CHN2: variants seen among roughly 807,000 people sequenced by gnomAD.
CHN2 encodes the protein beta-chimaerin.
CHN2 carries 35 observed loss-of-function variants against 56.3 expected under a neutral mutation model. The observed-to-expected ratio is 0.62, with a 90% CI of 0.47 to 0.82. CHN2 has a LOEUF of 0.82. Ranked by LOEUF, CHN2 falls within the 40% of genes least tolerant of loss-of-function variation. The pLI is 0.00. For synonymous variants in CHN2, 210 were observed against 212.8 expected, an observed-to-expected ratio of 0.99 and a Z score of 0.12; for missense variants, 491 against 580.5, an observed-to-expected ratio of 0.85 and a Z score of 1.58.
upstream of CHN2, chr7:29,194,476 G>T (rs545843249): frequency 6.3e-6 from 1 of 157,692 alleles, no homozygotes; most frequent in African/African-American, 2.4e-5. Flanking sequence ...CGCTCTGTCT[G>T]TCCGTCTCCC....
At chr7:29,151,492 C>T (rs899158697) in intron 2 of CHN2, among the ~76,000 whole-genome samples, 1 of 152,148 alleles carries the variant, frequency 6.6e-6, no homozygotes, top group Non-Finnish European at 1.5e-5. Flanking sequence ...TAGACATGGC[C>T]ACTAAGGACA....
intron 6 of CHN2, among the ~76,000 whole-genome samples, chr7:29,463,838 T>A (rs1238044301): frequency 6.6e-6 from 1 of 152,182 alleles, no homozygotes; most frequent in Non-Finnish European, 1.5e-5. Context: ...GATGTGGAAC[T>A]GAGTGCCCAG....
At position 29,310,389 on chromosome 7, in the gene CHN2, C is replaced by T. The variant is rs552096575; in HGVS notation, c.50-44236C>T. On this transcript the variant is annotated intron_variant, in intron 1 of 12. Transcript: ENST00000222792. ...TGCAAAACAGTGGGTACCATATGAT[C>T]CTGTATTTGCAATTAAAATGTATAC... Among the ~76,000 whole-genome samples, 28 of 152,186 alleles carry T rather than the reference C, an allele frequency of 1.8e-4. 1 individual carries two copies. The South Asian group carries it at 1.9e-3, about 10-fold the overall frequency.
At chr7:29,188,313 G>C (rs1336647233) in intron 2 of CHN2, among the ~76,000 whole-genome samples, 2 of 152,084 alleles carry the variant, frequency 1.3e-5, no homozygotes, top group African/African-American at 2.4e-5. Flanking sequence ...TTTGCTCAGG[G>C]TCACACAGCT....
chr7:29,478,938 T>C (rs1786843270), intron 6 of CHN2, among the ~76,000 whole-genome samples: 1 of 152,188 alleles, frequency 6.6e-6, no homozygotes, highest in Non-Finnish European at 1.5e-5. Context: ...GAGTGATCTT[T>C]GGTTACTCTT....
intron 6 of CHN2, among the ~76,000 whole-genome samples, chr7:29,432,834 A>G (rs1452191723): frequency 6.6e-6 from 1 of 152,106 alleles, no homozygotes; most frequent in Non-Finnish European, 1.5e-5. Flanking sequence ...GCCTTTTGGA[A>G]TATAATTATG....
At chr7:29,368,180 T>C (rs1187869908) in intron 3 of CHN2, among the ~76,000 whole-genome samples, 193 bp downstream of exon 3, 1 of 152,176 alleles carries the variant, frequency 6.6e-6, no homozygotes, top group African/African-American at 2.4e-5. Context: ...ACAAACCAAC[T>C]TGGACTCAGA....
At chr7:29,508,359 C>CG (rs1790855444) in intron 11 of CHN2, among the ~76,000 whole-genome samples, 1 of 149,826 alleles carries the variant, frequency 6.7e-6, no homozygotes. Flanking sequence ...ACACATGACA[C>CG]GGAAGTCAAG....
intron 6 of CHN2, among the ~76,000 whole-genome samples, chr7:29,462,240 T>G (rs1298487075): frequency 6.6e-6 from 1 of 152,200 alleles, no homozygotes; most frequent in Non-Finnish European, 1.5e-5. Flanking sequence ...GGACATTAGC[T>G]TTTTCACTTC....
At chr7:29,244,449 G>A (rs1015787807) in intron 1 of CHN2, among the ~76,000 whole-genome samples, 11 of 152,184 alleles carry the variant, frequency 7.2e-5, no homozygotes, top group Non-Finnish European at 1.2e-4. Flanking sequence ...TTGTCTTAAG[G>A]CAGCAAGGTG....
At chr7:29,327,359 C>G (rs1326530882) in intron 1 of CHN2, among the ~76,000 whole-genome samples, 1 of 152,212 alleles carries the variant, frequency 6.6e-6, no homozygotes, top group East Asian at 1.9e-4. Flanking sequence ...CTAATCCCTA[C>G]AGGGGACTCT....
chr7:29,147,071 G>T (rs1792831145), intron 2 of CHN2: 1 of 1,443,282 alleles, frequency 6.9e-7, no homozygotes, highest in Non-Finnish European at 9.3e-7. Flanking sequence ...TTTGCAATTG[G>T]GGGACACAAA....
chr7:29,321,516 C>G (rs1026397260), intron 1 of CHN2, among the ~76,000 whole-genome samples: 7 of 151,768 alleles, frequency 4.6e-5, no homozygotes, highest in African/African-American at 1.7e-4. Flanking sequence ...CTCCAGCAAT[C>G]TAATTTCAGG....
chr7:29,454,097 G>A (rs1475633780), intron 6 of CHN2, among the ~76,000 whole-genome samples: 1 of 152,182 alleles, frequency 6.6e-6, no homozygotes, highest in Non-Finnish European at 1.5e-5. Flanking sequence ...AATGCTCTGA[G>A]AGCTTAATGG....
chr7:29,321,559 T>C (rs1284963844), intron 1 of CHN2, among the ~76,000 whole-genome samples: 3 of 121,622 alleles, frequency 2.5e-5, no homozygotes, highest in Non-Finnish European at 5.4e-5. Flanking sequence ...CTTTTCTTTC[T>C]TTCTTTCTTT....
At chr7:29,461,209 A>AATGT (rs1337377446) in intron 6 of CHN2, among the ~76,000 whole-genome samples, 10 of 152,228 alleles carry the variant, frequency 6.6e-5, no homozygotes, top group African/African-American at 2.4e-4. Context: ...AGAAACATGT[A>AATGT]ATGTATGCTA....
At chr7:29,316,168 A>C (rs1010841456) in intron 1 of CHN2, among the ~76,000 whole-genome samples, 5 of 152,206 alleles carry the variant, frequency 3.3e-5, no homozygotes, top group Non-Finnish European at 7.3e-5. Flanking sequence ...TTCTTTGATG[A>C]TCTTAAAGAC....
At chr7:29,159,461 A>G (rs1196595964) in intron 2 of CHN2, among the ~76,000 whole-genome samples, 2 of 152,192 alleles carry the variant, frequency 1.3e-5, no homozygotes, top group African/African-American at 4.8e-5. Context: ...CTTCAGATGA[A>G]TGAAAACCTA....
intron 2 of CHN2, among the ~76,000 whole-genome samples, chr7:29,162,206 A>T (rs1423835305): frequency 8.5e-5 from 13 of 152,248 alleles, no homozygotes; most frequent in Non-Finnish European, 1.6e-4. Flanking sequence ...ATATTCACAC[A>T]AAAACTGTTC....
Sources: allele counts gnomAD v4.1 joint callset (sites outside exome capture counted in the v4.1 genomes callset), GRCh38; gene constraint gnomAD v4.1.1; transcripts MANE v1.5; gene names NCBI Gene and HGNC (gene_info 2026-07-23, HGNC 2026-07-21).